Variants in KCNB2 observed in about 807,000 individuals in gnomAD.
KCNB2 encodes potassium voltage-gated channel subfamily B member 2, also known as delayed rectifier potassium channel protein.
A neutral mutation model predicts 61.5 loss-of-function variants in KCNB2; 15 were observed. That is an observed-to-expected ratio of 0.24 (90% CI 0.16 to 0.38). The LOEUF (loss-of-function observed/expected upper bound fraction) is 0.38, where lower values mean the gene tolerates loss of function less well. KCNB2 is among the 10% of genes least tolerant of loss of function. The probability of loss-of-function intolerance (pLI) is 1.00; values close to 1 mark genes in which losing one functional copy is unlikely to be tolerated. For missense variants in KCNB2, 828 were observed against 1,125.2 expected, an observed-to-expected ratio of 0.74 and a Z score of 3.78; for synonymous variants, 457 against 446.0, an observed-to-expected ratio of 1.02 and a Z score of -0.31.
Position 72,936,676 on chromosome 8 carries a change from G to A in KCNB2, c.1321G>A (p.Glu441Lys). ...EKAIKRREAL[E>K]RAKRNGSIVS... Reference sequence around the variant, plus strand: ...AGCAATTAAAAGGAGGGAGGCTCTTGAGCGGGCCAAAAGGAACGGAAGCAT... The same window carrying A: ...AGCAATTAAAAGGAGGGAGGCTCTTAAGCGGGCCAAAAGGAACGGAAGCAT... Residue 441 changes from glutamate (E) to lysine (K), a missense_variant, in exon 3 of 3, where the codon GAG becomes AAG. Transcript: ENST00000523207. This position sits in a 1 kb window ranked among gnomAD's most constrained non-coding sequence, Gnocchi z 5.6. 6.2e-7 allele frequency: 1 copy of A among 1,614,202 alleles called. No individual in the cohort carries two copies. Among genetic ancestry groups the A allele is most frequent in the East Asian group, 2.2e-5 (1 of 44,886 alleles).
intron 2 of KCNB2, among the ~76,000 whole-genome samples, chr8:72,621,668 A>G (rs1282902438): frequency 6.6e-6 from 1 of 152,196 alleles, no homozygotes; most frequent in Non-Finnish European, 1.5e-5. Flanking sequence ...CATCCCCTTG[A>G]GCCTGCACTC....
Position 72,936,954 on chromosome 8 carries a change from G to A in KCNB2, c.1599G>A (p.Gln533=), listed in dbSNP as rs1422065529. 6.2e-7 allele frequency: 1 copy of A among 1,614,076 alleles called. No homozygotes were observed. The highest frequency in any genetic ancestry group is 2.2e-5 in the East Asian group (1 of 44,894). ...QLNNTSSSSP[Q]HLSAQKLEML... The stretch of plus-strand genomic sequence containing the variant: ...ACAACACGTCTTCCTCCAGCCCACA[G>A]CATCTGAGTGCCCAGAAACTGGAGA... Residue 533 remains glutamine, a synonymous_variant, in exon 3 of 3, where the codon CAG becomes CAA. Transcript: ENST00000523207. This position sits in a 1 kb window ranked among gnomAD's most constrained non-coding sequence, Gnocchi z 5.6.
chr8:72,928,349 C>T (rs1319825413), intron 2 of KCNB2, among the ~76,000 whole-genome samples: 1 of 152,032 alleles, frequency 6.6e-6, no homozygotes, highest in African/African-American at 2.4e-5. Flanking sequence ...CACGTAACCA[C>T]ACCTGACTAA....
intron 2 of KCNB2, among the ~76,000 whole-genome samples, chr8:72,802,652 G>A (rs2128999808): frequency 6.6e-6 from 1 of 152,234 alleles, no homozygotes; most frequent in East Asian, 1.9e-4. Context: ...GCAACTAAAA[G>A]CTACTCTGAA....
At chr8:72,837,534 T>C (rs1585921815) in intron 2 of KCNB2, among the ~76,000 whole-genome samples, 1 of 152,246 alleles carries the variant, frequency 6.6e-6, no homozygotes. Flanking sequence ...CAATCTTCTC[T>C]GGACTTAGGT....
intron 2 of KCNB2, among the ~76,000 whole-genome samples, chr8:72,904,207 T>C (rs890866794): frequency 6.6e-6 from 1 of 152,202 alleles, no homozygotes; most frequent in Non-Finnish European, 1.5e-5. Flanking sequence ...CAGATAAGTA[T>C]AGCATTATTC....
At chr8:72,612,639 A>T (rs1160430617) in intron 2 of KCNB2, among the ~76,000 whole-genome samples, 1 of 152,174 alleles carries the variant, frequency 6.6e-6, no homozygotes, top group Non-Finnish European at 1.5e-5. Context: ...CAGTGTTAGG[A>T]ACTGAGACAT....
chr8:72,903,826 G>A (rs1304443597), intron 2 of KCNB2, among the ~76,000 whole-genome samples: 1 of 151,966 alleles, frequency 6.6e-6, no homozygotes, highest in African/African-American at 2.4e-5. Flanking sequence ...GATTACCTAG[G>A]TTTTAGAAGG....
intron 2 of KCNB2, among the ~76,000 whole-genome samples, chr8:72,837,986 A>G (rs180738422): frequency 2.6e-5 from 4 of 152,258 alleles, no homozygotes; most frequent in Admixed American, 2.0e-4. Flanking sequence ...TACTGGTATT[A>G]CCTTTTTATA....
intron 2 of KCNB2, among the ~76,000 whole-genome samples, chr8:72,863,623 GACA>G (rs1311873764): frequency 2.6e-5 from 4 of 152,214 alleles, no homozygotes; most frequent in Admixed American, 1.3e-4. Context: ...ACATACACAG[GACA>G]TTCCTTTACA....
At chr8:72,714,968 C>A (rs1412852807) in intron 2 of KCNB2, among the ~76,000 whole-genome samples, 1 of 152,130 alleles carries the variant, frequency 6.6e-6, no homozygotes, top group Admixed American at 6.6e-5. Context: ...GGAGGAAGAT[C>A]TACCAAGCAA....
intron 2 of KCNB2, among the ~76,000 whole-genome samples, chr8:72,737,682 A>C (rs1807872000): frequency 6.6e-6 from 1 of 152,172 alleles, no homozygotes; most frequent in Non-Finnish European, 1.5e-5. Flanking sequence ...ACTAACTAGT[A>C]GTTGGACGTG....
intron 2 of KCNB2, among the ~76,000 whole-genome samples, chr8:72,867,642 G>T (rs779835227): frequency 1.2e-4 from 18 of 152,160 alleles, no homozygotes; most frequent in Non-Finnish European, 2.5e-4. Context: ...AATATAACTA[G>T]TGAGTTGAGA....
At chr8:72,766,098 C>A (rs1248770374) in intron 2 of KCNB2, among the ~76,000 whole-genome samples, 2 of 152,158 alleles carry the variant, frequency 1.3e-5, no homozygotes, top group African/African-American at 4.8e-5. Context: ...GAATCTGAGG[C>A]CTTGAGTGAT....
chr8:72,931,081 C>G (rs1030515275), intron 2 of KCNB2, among the ~76,000 whole-genome samples: 3 of 152,166 alleles, frequency 2.0e-5, no homozygotes, highest in African/African-American at 7.2e-5. Flanking sequence ...TTGTTTTTGT[C>G]AGGTTTGTCA....
intron 2 of KCNB2, among the ~76,000 whole-genome samples, chr8:72,661,815 C>G (rs1296604808): frequency 6.6e-6 from 1 of 152,112 alleles, no homozygotes; most frequent in Non-Finnish European, 1.5e-5. Flanking sequence ...GTTTAGATTT[C>G]TTTTCTCAAA....
At chr8:72,586,265 T>TG (rs1437065665) in intron 2 of KCNB2, among the ~76,000 whole-genome samples, 1 of 152,232 alleles carries the variant, frequency 6.6e-6, no homozygotes, top group Non-Finnish European at 1.5e-5. Context: ...CAACTGTCTT[T>TG]GAGGAATGAA....
intron 1 of KCNB2, among the ~76,000 whole-genome samples, chr8:72,538,708 G>C (rs1351120030): frequency 6.6e-6 from 1 of 151,880 alleles, no homozygotes; most frequent in East Asian, 1.9e-4. Flanking sequence ...TTCTAATCAA[G>C]TTGTGTAGTA....
rs1348997588 is a variant in KCNB2 at position 72,707,229 on chromosome 8, AC to A, written c.579+138917del. On this transcript the variant is annotated intron_variant, in intron 2 of 2. Coordinates refer to ENST00000523207, the MANE Select transcript of KCNB2 (RefSeq NM_004770.3). ...TAATGTTTAAAAAATAATAACCCTC[AC>A]AAAAATAATAACCCTCACAGACAAA... Among the ~76,000 whole-genome samples the A allele has an allele frequency of 7.2e-5, 11 of 152,308 alleles. No individual in the cohort carries two copies. The South Asian group carries it at 2.1e-3, about 29-fold the overall frequency.
Sources: allele counts gnomAD v4.1 joint callset (sites outside exome capture counted in the v4.1 genomes callset), GRCh38; gene constraint gnomAD v4.1.1; non-coding constraint Gnocchi (gnomAD v3.1); transcripts MANE v1.5; gene names NCBI Gene and HGNC (gene_info 2026-07-23, HGNC 2026-07-21).